IGSF1: variants seen among roughly 807,000 people sequenced by gnomAD.
IGSF1 encodes immunoglobulin-like domain-containing protein 1.
Under a neutral mutation model 95.3 loss-of-function variants are expected in IGSF1, and 40 were observed. The observed-to-expected ratio is 0.42, with a 90% CI of 0.33 to 0.55. The LOEUF is 0.55. Ranked by LOEUF, IGSF1 falls within the 20% of genes least tolerant of loss-of-function variation. The pLI, the probability that IGSF1 is intolerant of heterozygous loss-of-function variation, is 0.10. For missense variants in IGSF1, 906 were observed against 1,025.4 expected, an observed-to-expected ratio of 0.88 and a Z score of 1.59; for synonymous variants, 372 against 382.9, an observed-to-expected ratio of 0.97 and a Z score of 0.33.
At chrX:131,288,941 CG>C in intron 1 of IGSF1, 1 of 234,091 alleles carries the variant, frequency 4.3e-6, no homozygotes, top group Non-Finnish European at 8.0e-6. Flanking sequence ...GGCGGGGTGC[CG>C]GGTACATGCT....
chrX:131,278,681 G>A lies in IGSF1; in HGVS notation c.1821C>T (p.Asn607=), dbSNP rs754953582. 3 of 1,209,445 alleles carry A rather than the reference G, an allele frequency of 2.5e-6. No homozygotes were observed. In the East Asian group the frequency reaches 8.9e-5, roughly 36 times the overall value. ...AAGGGCTTCTGCACCAGAGGGTTAAGTTCTTCCACGGGGCCAGAGGAAAGT... is the reference window on the plus strand; with the variant it reads ...AAGGGCTTCTGCACCAGAGGGTTAAATTCTTCCACGGGGCCAGAGGAAAGT... ...ETNFPLAPWK[N]LTLWCRSPSG... is the part of the protein sequence containing the mutation. Residue 607 remains asparagine, a synonymous_variant, in exon 12 of 20, where the codon AAC becomes AAT. Coordinates refer to ENST00000361420, the MANE Select transcript of IGSF1 (RefSeq NM_001555.5).
Position 131,273,527 on chromosome X carries a change from T to A in IGSF1, c.*269A>T, listed in dbSNP as rs2080440632. 2 of 257,054 alleles carry A rather than the reference T, an allele frequency of 7.8e-6. No individual in the cohort carries two copies. The highest frequency in any genetic ancestry group is 1.4e-5 in the Non-Finnish European group (2 of 146,444). 21.2% of individuals were successfully genotyped at this position (257,054 alleles called of 1,213,427 possible). On this transcript the variant is annotated 3_prime_UTR_variant, in exon 20 of 20. Transcript: ENST00000361420. ...ATAGTTTTTGAAGTTAAATAGTGAA[T>A]ACTCTTTTTATTCAGAAGAATGCAT...
chrX:131,277,112 T>C lies in IGSF1; in HGVS notation c.2435A>G (p.Lys812Arg), dbSNP rs2080486741. 2 of 1,211,409 alleles carry C rather than the reference T, an allele frequency of 1.7e-6. No individual in the cohort carries two copies. Among genetic ancestry groups the C allele is most frequent in the East Asian group, 5.9e-5 (2 of 33,829 alleles). Residue 812 changes from lysine to arginine, a missense_variant, in exon 14 of 20, where the codon AAA becomes AGA. This residue lies in a region of IGSF1 where 411 missense variants were observed against 494.9 expected (regional missense o/e 0.83). Transcript: ENST00000361420. The part of the protein sequence containing the change: ...PHQHMSFILY[K>R]DGSEIASSDR... The stretch of plus-strand genomic sequence containing the variant: ...ACTGGATGCTATTTCACTTCCATCT[T>C]TGTAAAGAATAAAGCTCATATGCTG...
At chrX:131,283,848 C>A (rs985418621) in intron 5 of IGSF1, among the ~76,000 whole-genome samples, 1 of 111,935 alleles carries the variant, frequency 8.9e-6, no homozygotes, top group Non-Finnish European at 1.9e-5. Context: ...CCTACCACTC[C>A]TTCCTACCCC....
In IGSF1 at chrX:131,281,822, T is replaced by C. The variant is rs774381576; in HGVS notation, c.1369A>G (p.Arg457Gly). 5 of 1,208,873 alleles carry C rather than the reference T, an allele frequency of 4.1e-6. No homozygotes were observed. In the African/African-American group the frequency reaches 8.8e-5, roughly 21 times the overall value. Residue 457 changes from arginine to glycine, a missense_variant, in exon 8 of 20, where the codon AGA (arginine) becomes GGA (glycine). Arg to Gly is a moderately radical substitution (Grantham distance 125). Transcript: ENST00000361420. ...VLEFSLEWEERETFQKFSVNG... is the reference protein window; with the variant it reads ...VLEFSLEWEEGETFQKFSVNG... Reference sequence around the variant, plus strand: ...ACTGAGAATTTTTGGAATGTTTCTCTTTCTTCCCATTCCAGAGAAAATTCC... The same window carrying C: ...ACTGAGAATTTTTGGAATGTTTCTCCTTCTTCCCATTCCAGAGAAAATTCC...
chrX:131,282,884 T>G, intron 6 of IGSF1, 96 bp downstream of exon 6: 1 of 952,826 alleles, frequency 1.0e-6, no homozygotes, highest in Non-Finnish European at 1.5e-6. Context: ...TCTCTACTGT[T>G]AACCCTGGCC....
Position 131,286,073 on chromosome X carries a change from A to T in IGSF1, c.98-25T>A, listed in dbSNP as rs2080631719. 2.6e-6 allele frequency: 3 copies of T among 1,157,666 alleles called. No homozygotes were observed. In the African/African-American group the frequency reaches 5.3e-5, roughly 20 times the overall value. ...ACTGTTATTCCCAAAGATCAAAAAG[A>T]TATGAGCAGTCCAACCCTCTCCCTC... is the stretch of plus-strand genomic sequence containing the variant. On this transcript the variant is annotated intron_variant, in intron 3 of 19. Coordinates refer to ENST00000361420, the MANE Select transcript of IGSF1 (RefSeq NM_001555.5).
intron 9 of IGSF1, among the ~76,000 whole-genome samples, chrX:131,280,126 G>C (rs1204957597): frequency 1.8e-5 from 2 of 109,718 alleles, no homozygotes; most frequent in East Asian, 5.7e-4. Flanking sequence ...TGCTGGGCTG[G>C]GGTGGGGCAC....
Position 131,279,229 on chromosome X carries a change from C to T in IGSF1, c.1717+42G>A, listed in dbSNP as rs199779651. ...GCCCCCTCCCCCACCGGGACTTCAC[C>T]CCGGCCTTCTGCCCGGGGCCCCTTC... On this transcript the variant is annotated intron_variant, in intron 10 of 19. Coordinates refer to ENST00000361420, the MANE Select transcript of IGSF1 (RefSeq NM_001555.5). 1.1e-5 allele frequency: 13 copies of T among 1,207,134 alleles called. No homozygotes were observed. In the Admixed American group the frequency reaches 1.7e-4, roughly 16 times the overall value.
At chrX:131,287,726 C>CA (rs2080663079) in intron 1 of IGSF1, among the ~76,000 whole-genome samples, 1 of 111,268 alleles carries the variant, frequency 9.0e-6, no homozygotes, top group Non-Finnish European at 1.9e-5. Context: ...CATTATTTAC[C>CA]ATAGGCCTTG....
rs1197383002 is a variant in IGSF1, at chrX:131,274,185, G to C, written c.3773C>G (p.Thr1258Ser). The part of the protein sequence containing the change: ...GAAGPVAQEC[T>S]VGNIVRSSLI... ...GCTACTTCGGACAATGTTCCCTACA[G>C]TGCACTCCTGAGCAACAGGCCCTGT... The change falls in exon 19 of 20, where the codon ACT becomes AGT. Residue 1258 changes from threonine to serine, a missense_variant. Transcript: ENST00000361420. 1 of 1,209,450 alleles carries C rather than the reference G, an allele frequency of 8.3e-7. No individual in the cohort carries two copies. Among genetic ancestry groups the C allele is most frequent in the East Asian group, 3.0e-5 (1 of 33,738 alleles).
chrX:131,289,193 C>T (rs760413118), intron 1 of IGSF1, 21 bp downstream of exon 1: 2 of 375,213 alleles, frequency 5.3e-6, no homozygotes, highest in South Asian at 2.3e-5. Flanking sequence ...CTGAACTATG[C>T]GCTCATTTGT....
rs765737285 is a variant in IGSF1 at position 131,289,233 on chromosome X, C to T, written c.-87G>A. ...ACTTACGGTAGTTGAAGGCCCGCTC[C>T]GATGTTGGAGATTCTCCAGTGAGCT... is the stretch of plus-strand genomic sequence containing the variant. On this transcript the variant is annotated 5_prime_UTR_variant, in exon 1 of 20. Transcript: ENST00000361420. The T allele has an allele frequency of 2.1e-5, 8 of 374,653 alleles. No individual in the cohort carries two copies. The highest frequency in any genetic ancestry group is 3.6e-5 in the Non-Finnish European group (7 of 191,987). 30.9% of individuals were successfully genotyped at this position (374,653 alleles called of 1,213,427 possible). A position where few individuals can be genotyped will look rare whatever the true frequency, so the allele number is the denominator to read the frequency against.
Position 131,276,936 on chromosome X carries a change from A to C in IGSF1, c.2608+3T>G. The stretch of plus-strand genomic sequence containing the variant: ...ACCTCTACCTGGAGTCCCCCCTCCT[A>C]ACCTGTCACCACGAGCTCCACAGGG... On this transcript the variant is annotated splice_donor_region_variant and intron_variant, in intron 14 of 19. Transcript: ENST00000361420. The C allele has an allele frequency of 8.3e-7, 1 of 1,209,434 alleles. No individual in the cohort carries two copies. Among genetic ancestry groups the C allele is most frequent in the Non-Finnish European group, 1.1e-6 (1 of 894,052 alleles).
Position 131,276,303 on chromosome X carries a change from T to C in IGSF1, c.2609-55A>G, listed in dbSNP as rs2080473455. On this transcript the variant is annotated intron_variant, in intron 14 of 19. Coordinates refer to ENST00000361420, the MANE Select transcript of IGSF1 (RefSeq NM_001555.5). The stretch of plus-strand genomic sequence containing the variant: ...AAACCCAGCCCTCACATCCTGCAAA[T>C]AGCCTTTTAAAGTGTTATTGTAAGA... The C allele has an allele frequency of 1.9e-5, 20 of 1,027,391 alleles. No homozygotes were observed. The South Asian group carries it at 3.5e-4, about 18-fold the overall frequency. The allele number at this position is 1,027,391 out of a possible 1,213,427, so 84.7% of individuals were successfully genotyped here.
intron 5 of IGSF1, among the ~76,000 whole-genome samples, chrX:131,283,637 C>T (rs765821170): frequency 6.2e-5 from 7 of 112,392 alleles, no homozygotes; most frequent in African/African-American, 2.3e-4. Flanking sequence ...ATGAATGCCA[C>T]TGAAATATTA....
rs200425275 is a variant in IGSF1, at chrX:131,279,215, C to A, written c.1718-40G>T. ...GCTGCCAGGACTCGGCCCCCTCCCCCACCGGGACTTCACCCCGGCCTTCTG... is the reference window on the plus strand; with the variant it reads ...GCTGCCAGGACTCGGCCCCCTCCCCAACCGGGACTTCACCCCGGCCTTCTG... On this transcript the variant is annotated intron_variant, in intron 10 of 19. Coordinates refer to ENST00000361420, the MANE Select transcript of IGSF1 (RefSeq NM_001555.5). The A allele has an allele frequency of 9.5e-5, 115 of 1,207,390 alleles. No individual in the cohort carries two copies. The East Asian group carries it at 2.5e-3, about 26-fold the overall frequency.
chrX:131,276,981 T>A lies in IGSF1; in HGVS notation c.2566A>T (p.Ile856Phe). The part of the protein sequence containing the change: ...NYSCRYYDFS[I>F]WSEPSDPVEL... The stretch of plus-strand genomic sequence containing the variant: ...ACAGGGTCGCTGGGCTCAGACCAGA[T>A]AGAAAAGTCATAATATCGGCAGCTG... The change falls in exon 14 of 20, where the codon ATC becomes TTC. Residue 856 changes from isoleucine (I) to phenylalanine (F), a missense_variant. Transcript: ENST00000361420. 10 of 1,211,278 alleles carry A rather than the reference T, an allele frequency of 8.3e-6. No individual in the cohort carries two copies. Among genetic ancestry groups the A allele is most frequent in the Non-Finnish European group, 1.1e-5 (10 of 895,261 alleles).
At chrX:131,274,434 A>G (rs779572202) in intron 18 of IGSF1, among the ~76,000 whole-genome samples, 165 bp downstream of exon 18, 1 of 111,645 alleles carries the variant, frequency 9.0e-6, no homozygotes, top group East Asian at 2.8e-4. Context: ...ATCTTCAAAT[A>G]TATTTAAGGT....
Sources: gnomAD v4.1 joint callset for allele counts (sites outside exome capture counted in the v4.1 genomes callset) on GRCh38, gnomAD v4.1.1 for gene constraint, gnomAD v4.1.1 regional missense constraint, MANE v1.5 for transcripts, NCBI Gene and HGNC (gene_info 2026-07-23, HGNC 2026-07-21) for gene names.